PDGFRL: variants seen among roughly 807,000 people sequenced by gnomAD.
PDGFRL encodes platelet derived growth factor receptor like.
PDGFRL carries 46 observed loss-of-function variants against 37.2 expected under a neutral mutation model. The observed-to-expected ratio is 1.24, with a 90% CI of 0.98 to 1.58. The LOEUF is 1.58. Ranked by LOEUF, PDGFRL falls within the 40% of genes most tolerant of loss-of-function variation. The probability of loss-of-function intolerance (pLI) is 0.00; values close to 1 mark genes in which losing one functional copy is unlikely to be tolerated. For synonymous variants in PDGFRL, 251 were observed against 184.3 expected (o/e 1.36, Z -2.93); for missense variants, 692 against 467.6 (o/e 1.48, Z -4.43).
intron 1 of PDGFRL, among the ~76,000 whole-genome samples, chr8:17,588,526 A>G (rs895277267): frequency 1.3e-5 from 2 of 151,610 alleles, no homozygotes; most frequent in Non-Finnish European, 2.9e-5. Context: ...AAAAAAAATT[A>G]GCTCAGCATG....
rs954967456 is a variant in PDGFRL, at chr8:17,642,984, G to T, written c.*183G>T. The T allele has an allele frequency of 5.8e-6, 3 of 519,192 alleles. No individual in the cohort carries two copies. The highest frequency in any genetic ancestry group is 1.0e-5 in the Non-Finnish European group (3 of 297,822). 32.2% of individuals were successfully genotyped at this position (519,192 alleles called of 1,614,324 possible). A position where few individuals can be genotyped will look rare whatever the true frequency, so the allele number is the denominator to read the frequency against. The stretch of plus-strand genomic sequence containing the variant: ...GAAGTCATCCAGTCTATTCACAGAA[G>T]TGTTAACTTTTCTAACAGAAAGCAT... On this transcript the variant is annotated 3_prime_UTR_variant, in exon 6 of 6. Transcript: ENST00000251630.
chr8:17,584,886 A>C (rs1473880348), intron 1 of PDGFRL, among the ~76,000 whole-genome samples: 1 of 152,144 alleles, frequency 6.6e-6, no homozygotes, highest in Non-Finnish European at 1.5e-5. Context: ...GAATAAAAGA[A>C]TGGCTTCTTC....
At chr8:17,613,004 T>C (rs1308563743) in intron 2 of PDGFRL, among the ~76,000 whole-genome samples, 1 of 152,228 alleles carries the variant, frequency 6.6e-6, no homozygotes, top group Non-Finnish European at 1.5e-5. Context: ...CTTTCATGAT[T>C]AACTTTGCAC....
intron 2 of PDGFRL, among the ~76,000 whole-genome samples, chr8:17,595,274 C>G (rs576553470): frequency 6.6e-6 from 1 of 152,160 alleles, no homozygotes; most frequent in South Asian, 2.1e-4. Flanking sequence ...ACCATCCCCT[C>G]AACCATTAGC....
At chr8:17,637,103 A>C (rs190795839) in intron 5 of PDGFRL, among the ~76,000 whole-genome samples, 26 of 152,216 alleles carry the variant, frequency 1.7e-4, no homozygotes, top group Non-Finnish European at 2.2e-4. Flanking sequence ...GATGCCCTTT[A>C]TTTCTTTCTC....
At chr8:17,613,588 C>A (rs757023178) in intron 2 of PDGFRL, among the ~76,000 whole-genome samples, 2 of 152,064 alleles carry the variant, frequency 1.3e-5, no homozygotes, top group Non-Finnish European at 2.9e-5. Context: ...TTTCAATAAT[C>A]CAGAGAAGCC....
chr8:17,613,451 G>T (rs1221729920), intron 2 of PDGFRL, among the ~76,000 whole-genome samples: 1 of 152,172 alleles, frequency 6.6e-6, no homozygotes, highest in Non-Finnish European at 1.5e-5. Context: ...TCGCAGTATG[G>T]CGGGCAGAGT....
Position 17,643,034 on chromosome 8 carries a change from G to A in PDGFRL, c.*233G>A, listed in dbSNP as rs927437778. The A allele has an allele frequency of 5.8e-5, 25 of 430,154 alleles. No individual in the cohort carries two copies. The highest frequency in any genetic ancestry group is 5.6e-4 in the Middle Eastern group (1 of 1,784). The allele number at this position is 430,154 out of a possible 1,614,324, so 26.6% of individuals were successfully genotyped here. A position where few individuals can be genotyped will look rare whatever the true frequency, so the allele number is the denominator to read the frequency against. On this transcript the variant is annotated 3_prime_UTR_variant, in exon 6 of 6. Transcript: ENST00000251630. ...TGATTTTGATTGCTTACCTACATAC[G>A]TGTTCCTAGTTTTTATACATGTGTA...
chr8:17,596,682 T>C (rs1320844675), intron 2 of PDGFRL, among the ~76,000 whole-genome samples: 1 of 152,240 alleles, frequency 6.6e-6, no homozygotes, highest in Non-Finnish European at 1.5e-5. Context: ...CTTTGAATAG[T>C]GTTCATTCGA....
chr8:17,632,854 TC>T (rs1392039101), intron 4 of PDGFRL, among the ~76,000 whole-genome samples: 1 of 152,104 alleles, frequency 6.6e-6, no homozygotes, highest in East Asian at 1.9e-4. Flanking sequence ...TGCTGGTGTC[TC>T]CCTGCTTCTC....
At chr8:17,596,984 C>G (rs146965175) in intron 2 of PDGFRL, among the ~76,000 whole-genome samples, 25 of 152,198 alleles carry the variant, frequency 1.6e-4, no homozygotes, top group Admixed American at 2.6e-4. Context: ...TGGAAGCTCC[C>G]CAGGTGTTCA....
intron 4 of PDGFRL, among the ~76,000 whole-genome samples, chr8:17,632,985 C>T (rs927661889): frequency 3.3e-5 from 5 of 152,164 alleles, no homozygotes. Context: ...TGGGCTTCTG[C>T]TTCATAGCTT....
At chr8:17,628,810 AG>A in intron 4 of PDGFRL, 30 bp downstream of exon 4, 1 of 1,535,440 alleles carries the variant, frequency 6.5e-7, no homozygotes, top group Non-Finnish European at 9.0e-7. Flanking sequence ...CCTAGATTCT[AG>A]TTAGTCCCCT....
intron 1 of PDGFRL, among the ~76,000 whole-genome samples, chr8:17,579,737 T>G (rs1032218079): frequency 3.9e-5 from 6 of 152,004 alleles, no homozygotes; most frequent in Non-Finnish European, 7.4e-5. Context: ...GGTGAACATC[T>G]GGCCTGTGAC....
intron 2 of PDGFRL, among the ~76,000 whole-genome samples, chr8:17,590,017 G>T (rs1803901031): frequency 1.3e-5 from 2 of 150,386 alleles, no homozygotes; most frequent in Admixed American, 6.6e-5. Context: ...GGATCACGAG[G>T]TCAGGAGATC....
At position 17,577,292 on chromosome 8, in the gene PDGFRL, G is replaced by A; in HGVS notation, c.40G>A (p.Glu14Lys). 1 of 1,612,898 alleles carries A rather than the reference G, an allele frequency of 6.2e-7. No homozygotes were observed. Among genetic ancestry groups the A allele is most frequent in the Non-Finnish European group, 8.5e-7 (1 of 1,179,588 alleles). ...WLLLGLLLVHEALEDVTGQHL... is the reference protein window; with the variant it reads ...WLLLGLLLVHKALEDVTGQHL... ...GCTGCTTGGTCTTCTGCTGGTGCAC[G>A]AAGCGCTGGAGGATGGTGAGTGACT... Residue 14 changes from glutamate to lysine, a missense_variant, in exon 1 of 6, where the codon GAA (glutamate) becomes AAA (lysine). Transcript: ENST00000251630.
chr8:17,590,888 AT>A lies in PDGFRL; in HGVS notation c.353+1135del, dbSNP rs71729974. On this transcript the variant is annotated intron_variant, in intron 2 of 5. Coordinates refer to ENST00000251630, the MANE Select transcript of PDGFRL (RefSeq NM_001372073.1). Reference sequence around the variant, plus strand: ...CTTCTCATTATTATTATTATTATTAATTTTTTTTTTTTGAGACGGAGTCTCG... The same window carrying A: ...CTTCTCATTATTATTATTATTATTAATTTTTTTTTTTGAGACGGAGTCTCG... Among the ~76,000 whole-genome samples, 228 of 143,110 alleles carry A rather than the reference AT, an allele frequency of 1.6e-3. 3 individuals are homozygous for A. The highest frequency in any genetic ancestry group is 2.1e-3 in the Non-Finnish European group (142 of 66,144). 93.9% of individuals were successfully genotyped at this position (143,110 alleles called of 152,430 possible). A position where few individuals can be genotyped will look rare whatever the true frequency, so the allele number is the denominator to read the frequency against.
chr8:17,598,342 T>C (rs950251996), intron 2 of PDGFRL, among the ~76,000 whole-genome samples: 1 of 152,220 alleles, frequency 6.6e-6, no homozygotes, highest in African/African-American at 2.4e-5. Context: ...TTCTTTATAA[T>C]CTGGGATCTG....
intron 2 of PDGFRL, among the ~76,000 whole-genome samples, chr8:17,612,098 C>G (rs1009154278): frequency 4.6e-5 from 7 of 152,098 alleles, no homozygotes; most frequent in Admixed American, 3.3e-4. Context: ...CTCCAGTTGG[C>G]AGTGTTTCCA....
Sources: gnomAD v4.1 joint callset for allele counts (sites outside exome capture counted in the v4.1 genomes callset) on GRCh38, gnomAD v4.1.1 for gene constraint, MANE v1.5 for transcripts, NCBI Gene and HGNC (gene_info 2026-07-23, HGNC 2026-07-21) for gene names.